The following EML1 variants were observed in gnomAD, a reference collection of about 807,000 sequenced individuals.
EML1 encodes the protein EMAP like 1.
EML1 carries 27 observed loss-of-function variants against 110.4 expected under a neutral mutation model. That is an observed-to-expected ratio of 0.24 (90% CI 0.18 to 0.34). The LOEUF (loss-of-function observed/expected upper bound fraction) is 0.34, where lower values mean the gene tolerates loss of function less well. Among genes scored for constraint, EML1 ranks in the 10% least tolerant of loss-of-function variants. EML1 has a pLI of 1.00. For synonymous variants in EML1, 344 were observed against 385.8 expected (o/e 0.89, Z 1.27); for missense variants, 741 against 1,030.9 (o/e 0.72, Z 3.85).
chr14:99,742,495 GT>G (rs753173145), intron 1 of EML1, among the ~76,000 whole-genome samples: 12 of 152,268 alleles, frequency 7.9e-5, no homozygotes, highest in Admixed American at 6.5e-5. Context: ...GGGAGAAAGG[GT>G]GAGGTCCACA....
At chr14:99,748,495 G>C (rs766042160) in intron 1 of EML1, among the ~76,000 whole-genome samples, 3 of 151,472 alleles carry the variant, frequency 2.0e-5, no homozygotes, top group Non-Finnish European at 2.9e-5. Flanking sequence ...TAGACCCAGC[G>C]CAGTGACTCA....
intron 8 of EML1, among the ~76,000 whole-genome samples, chr14:99,900,181 CTTTTTTTTT>C (rs3071437): frequency 3.8e-5 from 4 of 106,620 alleles, no homozygotes; most frequent in African/African-American, 7.0e-5. Flanking sequence ...ATATTAAGCT[CTTTTTTTTT>C]TTTTTTTTTT....
intron 1 of EML1, chr14:99,850,115 A>C: frequency 3.2e-6 from 1 of 310,884 alleles, no homozygotes; most frequent in Non-Finnish European, 6.1e-6. Context: ...TTTTTTTGGT[A>C]TTTTGTAGAG....
intron 1 of EML1, among the ~76,000 whole-genome samples, chr14:99,793,940 T>TGAA (rs2057720716): frequency 6.6e-6 from 1 of 152,070 alleles, no homozygotes; most frequent in South Asian, 2.1e-4. Flanking sequence ...AATGACTGGA[T>TGAA]GAAGAACTCG....
In EML1 at chr14:99,910,721, A is replaced by AGCTAATTATGT. The variant is rs578154471; in HGVS notation, c.1339+385_1339+395dup. On this transcript the variant is annotated intron_variant, in intron 12 of 21. Coordinates refer to ENST00000262233, the MANE Select transcript of EML1 (RefSeq NM_004434.3). ...TAGCATGTGGCAGACATTTATTGAA[A>AGCTAATTATGT]GCTAATTATGTGCTAGACACTGTGA... Among the ~76,000 whole-genome samples, 877 of 152,308 alleles carry AGCTAATTATGT rather than the reference A, an allele frequency of 5.8e-3. 1 individual carries two copies. Among genetic ancestry groups the AGCTAATTATGT allele is most frequent in the African/African-American group, 0.02 (822 of 41,556 alleles).
chr14:99,850,917 A>T lies in EML1; in HGVS notation c.132A>T (p.Arg44Ser). 1 of 1,614,174 alleles carries T rather than the reference A, an allele frequency of 6.2e-7. No individual in the cohort carries two copies. Among genetic ancestry groups the T allele is most frequent in the Non-Finnish European group, 8.5e-7 (1 of 1,180,028 alleles). Residue 44 changes from arginine (R) to serine (S), a missense_variant, in exon 2 of 22, where the codon AGA becomes AGT. Arg to Ser is a moderately radical substitution (Grantham distance 110). Transcript: ENST00000262233. ...ACCGCATTGCTTCACTGGAGCAGAG[A>T]GTCCAGATGCAAGAAGACGACATCC... ...VTDRIASLEQ[R>S]VQMQEDDIQL... is the part of the protein sequence containing the mutation.
intron 1 of EML1, among the ~76,000 whole-genome samples, chr14:99,817,552 A>G (rs896924869): frequency 4.6e-5 from 7 of 152,204 alleles, no homozygotes; most frequent in Admixed American, 3.3e-4. Context: ...GACAAAGGAA[A>G]TTAGAGCTTG....
chr14:99,842,697 T>C (rs764613556), intron 1 of EML1, among the ~76,000 whole-genome samples: 1 of 152,210 alleles, frequency 6.6e-6, no homozygotes, highest in Non-Finnish European at 1.5e-5. Flanking sequence ...AATATTCTGA[T>C]TTGTGCAGTT....
chr14:99,897,088 G>C, intron 6 of EML1, 57 bp from the exon 7 acceptor site: 1 of 1,433,652 alleles, frequency 7.0e-7, no homozygotes, highest in Non-Finnish European at 9.2e-7. Flanking sequence ...GTTGAATAAA[G>C]CTGATGTTTT....
At chr14:99,883,794 A>G (rs566810898) in intron 4 of EML1, among the ~76,000 whole-genome samples, 2 of 152,322 alleles carry the variant, frequency 1.3e-5, no homozygotes, top group East Asian at 1.9e-4. Flanking sequence ...GATGTGGTTC[A>G]TCATGTTTCC....
chr14:99,889,545 C>T (rs2059550422), intron 4 of EML1, among the ~76,000 whole-genome samples: 1 of 152,238 alleles, frequency 6.6e-6, no homozygotes, highest in South Asian at 2.1e-4. Context: ...GGGGCTGTGG[C>T]GAGCAGGGCG....
intron 1 of EML1, among the ~76,000 whole-genome samples, chr14:99,805,652 T>G (rs2057958349): frequency 6.6e-6 from 1 of 152,056 alleles, no homozygotes; most frequent in South Asian, 2.1e-4. Context: ...TTTTTTTATT[T>G]TTTTGTGGAA....
intron 1 of EML1, among the ~76,000 whole-genome samples, chr14:99,842,127 A>C (rs2058643546): frequency 6.6e-6 from 1 of 152,252 alleles, no homozygotes; most frequent in South Asian, 2.1e-4. Flanking sequence ...ATGACTTTAA[A>C]ATAAATAAGT....
At chr14:99,871,345 A>T (rs2059200327) in intron 3 of EML1, among the ~76,000 whole-genome samples, 1 of 152,082 alleles carries the variant, frequency 6.6e-6, no homozygotes, top group Non-Finnish European at 1.5e-5. Context: ...ACATTTTAAA[A>T]GTCTTTAAGA....
intron 1 of EML1, among the ~76,000 whole-genome samples, chr14:99,741,537 G>C (rs770935391): frequency 6.6e-6 from 1 of 152,094 alleles, no homozygotes; most frequent in Non-Finnish European, 1.5e-5. Flanking sequence ...TCCAAGCATA[G>C]GGCCTGCAAA....
intron 2 of EML1, among the ~76,000 whole-genome samples, chr14:99,862,795 C>T (rs760517750): frequency 3.3e-5 from 5 of 152,150 alleles, no homozygotes; most frequent in African/African-American, 1.2e-4. Flanking sequence ...CCCAGCCGTA[C>T]GTGCTGCTGC....
At chr14:99,920,979 G>T in intron 17 of EML1, 102 bp downstream of exon 17, 2 of 1,061,794 alleles carry the variant, frequency 1.9e-6, no homozygotes, top group Non-Finnish European at 2.8e-6. Flanking sequence ...ATAGGTAAAC[G>T]TGTGCCATGG....
intron 17 of EML1, among the ~76,000 whole-genome samples, chr14:99,933,551 C>T (rs1295993715): frequency 1.3e-5 from 2 of 152,248 alleles, no homozygotes; most frequent in African/African-American, 2.4e-5. Context: ...GACAGATTTT[C>T]AGCTGTTCTT....
At position 99,795,285 on chromosome 14, in the gene EML1, G is replaced by A. The variant is rs144579732; in HGVS notation, c.67+1742G>A. Among the ~76,000 whole-genome samples, 466 of 152,328 alleles carry A rather than the reference G, an allele frequency of 3.1e-3. 3 individuals carry two copies. Among genetic ancestry groups the A allele is most frequent in the African/African-American group, 0.011 (450 of 41,566 alleles). The stretch of plus-strand genomic sequence containing the variant: ...TTTTCCTTTTAATTGCCAGCCTAGA[G>A]ATATTGGCATGGTATTTTACTGGTG... On this transcript the variant is annotated intron_variant, in intron 1 of 21. Coordinates refer to ENST00000262233, the MANE Select transcript of EML1 (RefSeq NM_004434.3).
Sources: allele counts gnomAD v4.1 joint callset (sites outside exome capture counted in the v4.1 genomes callset), GRCh38; gene constraint gnomAD v4.1.1; transcripts MANE v1.5; gene names NCBI Gene and HGNC (gene_info 2026-07-23, HGNC 2026-07-21).